Variants in AGO3 observed in about 807,000 individuals in gnomAD.
The protein encoded by AGO3 is protein argonaute-3.
In AGO3, 16 loss-of-function variants were observed where a neutral mutation model predicts 105.5. The observed-to-expected ratio is 0.15, with a 90% CI of 0.10 to 0.23. The LOEUF is 0.23. AGO3 is among the 10% of genes least tolerant of loss of function. The pLI is 1.00. For synonymous variants in AGO3, 340 were observed against 367.3 expected, an observed-to-expected ratio of 0.93 and a Z score of 0.85; for missense variants, 534 against 1,088.0, an observed-to-expected ratio of 0.49 and a Z score of 7.16.
At chr1:35,978,924 A>G (rs1647000377) in intron 5 of AGO3, among the ~76,000 whole-genome samples, 3 of 152,206 alleles carry the variant, frequency 2.0e-5, no homozygotes. Context: ...GAAATACATA[A>G]TATTATTTTC....
chr1:35,960,698 A>C (rs540701119), intron 2 of AGO3, among the ~76,000 whole-genome samples: 68 of 152,138 alleles, frequency 4.5e-4, no homozygotes, highest in African/African-American at 1.5e-3. Flanking sequence ...AGAGGTTAAA[A>C]AATAATATAA....
At chr1:35,990,358 A>T (rs904855697) in intron 5 of AGO3, among the ~76,000 whole-genome samples, 1 of 152,138 alleles carries the variant, frequency 6.6e-6, no homozygotes, top group African/African-American at 2.4e-5. Flanking sequence ...AATACAAAAA[A>T]TTAGCTGGGC....
intron 2 of AGO3, among the ~76,000 whole-genome samples, chr1:35,966,576 G>T (rs1392606936): frequency 6.6e-6 from 1 of 152,212 alleles, no homozygotes; most frequent in African/African-American, 2.4e-5. Flanking sequence ...TCCTAATAGA[G>T]ATATGTACTA....
In AGO3 at chr1:36,008,097, A is replaced by C. The variant is rs1640420637; in HGVS notation, c.794-593A>C. Among the ~76,000 whole-genome samples, 1 of 152,218 alleles carries C rather than the reference A, an allele frequency of 6.6e-6. No individual in the cohort carries two copies. The highest frequency in any genetic ancestry group is 1.5e-5 in the Non-Finnish European group (1 of 68,026). ...ACCTACTTTAGGAATTATTTTGGTT[A>C]CATTTGATTTTTAATAGTATTGGAA... is the stretch of plus-strand genomic sequence containing the variant. On this transcript the variant is annotated intron_variant, in intron 6 of 18. Coordinates refer to ENST00000373191, the MANE Select transcript of AGO3 (RefSeq NM_024852.4). This position sits in a 1 kb window ranked among gnomAD's most constrained non-coding sequence, Gnocchi z 5.1.
At chr1:35,938,134 C>T (rs1646186274) in intron 1 of AGO3, among the ~76,000 whole-genome samples, 1 of 151,904 alleles carries the variant, frequency 6.6e-6, no homozygotes, top group Non-Finnish European at 1.5e-5. Flanking sequence ...GTGCCCGCCA[C>T]CACGTCCAGC....
chr1:35,946,430 G>T (rs1382998890), intron 2 of AGO3, among the ~76,000 whole-genome samples: 2 of 152,046 alleles, frequency 1.3e-5, no homozygotes, highest in Non-Finnish European at 2.9e-5. Flanking sequence ...TGTGGTTTCG[G>T]TAATACAGGA....
chr1:36,005,664 C>T (rs1640304597), intron 6 of AGO3: 1 of 954,512 alleles, frequency 1.0e-6, no homozygotes, highest in South Asian at 4.8e-5. Flanking sequence ...CATGAAGTCA[C>T]TTACATTATT....
At chr1:35,970,818 C>T (rs978082018) in intron 3 of AGO3, among the ~76,000 whole-genome samples, 4 of 151,676 alleles carry the variant, frequency 2.6e-5, no homozygotes, top group African/African-American at 7.3e-5. Context: ...CAGCCTCAAC[C>T]TCTCAGGCTC....
At position 36,055,413 on chromosome 1, in the gene AGO3, G is replaced by A. The variant is rs116424131; in HGVS notation, c.2475-224G>A. Among the ~76,000 whole-genome samples, 2,830 of 152,266 alleles carry A rather than the reference G, an allele frequency of 0.019. 82 individuals carry two copies. Among genetic ancestry groups the A allele is most frequent in the African/African-American group, 0.065 (2,704 of 41,544 alleles). Reference sequence around the variant, plus strand: ...TTCAGACAGATAGACAAAATGATACGATATCTAGGTTTGCTTCTAATTAAT... The same window carrying A: ...TTCAGACAGATAGACAAAATGATACAATATCTAGGTTTGCTTCTAATTAAT... On this transcript the variant is annotated intron_variant, in intron 18 of 18. Transcript: ENST00000373191. This position sits in a 1 kb window ranked among gnomAD's most constrained non-coding sequence, Gnocchi z 4.4.
rs753976691 is a variant in AGO3 at position 36,068,070 on chromosome 1, C to T, written c.*12325C>T. The stretch of plus-strand genomic sequence containing the variant: ...TTGTAATACAATCAGTGTTTTATGC[C>T]ATTTGTGAATCACACAATTGTTCTT... On this transcript the variant is annotated 3_prime_UTR_variant, in exon 19 of 19. Transcript: ENST00000373191. 1 of 152,086 alleles carries T rather than the reference C, an allele frequency of 6.6e-6. No individual in the cohort carries two copies. The highest frequency in any genetic ancestry group is 2.4e-5 in the African/African-American group (1 of 41,414). The allele number at this position is 152,086 out of a possible 1,614,324, so 9.4% of individuals were successfully genotyped here. A position where few individuals can be genotyped will look rare whatever the true frequency, so the allele number is the denominator to read the frequency against.
At chr1:36,028,426 T>A (rs1641613514) in intron 12 of AGO3, among the ~76,000 whole-genome samples, 1 of 102,266 alleles carries the variant, frequency 9.8e-6, no homozygotes, top group Non-Finnish European at 1.8e-5. Flanking sequence ...CCCCAGAGTG[T>A]GATGTTCCCC....
chr1:36,041,072 CAA>C (rs35842002), intron 16 of AGO3, among the ~76,000 whole-genome samples: 8 of 33,206 alleles, frequency 2.4e-4, no homozygotes, highest in Non-Finnish European at 2.7e-4. Flanking sequence ...AACTCCATCT[CAA>C]AAAAAAAAAA....
At chr1:35,997,005 C>T (rs1639860018) in intron 5 of AGO3, among the ~76,000 whole-genome samples, 1 of 152,178 alleles carries the variant, frequency 6.6e-6, no homozygotes, top group Admixed American at 6.5e-5. Flanking sequence ...CGGCCAGACG[C>T]AGTGGCTCTC....
chr1:35,986,925 G>A (rs1647205287), intron 5 of AGO3, among the ~76,000 whole-genome samples: 2 of 151,926 alleles, frequency 1.3e-5, no homozygotes, highest in Non-Finnish European at 2.9e-5. Flanking sequence ...GAACCCAGAA[G>A]GCAGAAGTTG....
At chr1:35,960,634 C>T (rs1280184753) in intron 2 of AGO3, among the ~76,000 whole-genome samples, 2 of 151,670 alleles carry the variant, frequency 1.3e-5, no homozygotes, top group African/African-American at 4.8e-5. Context: ...ATAGTGAGAC[C>T]CCATCTCTTT....
chr1:35,940,223 C>T (rs962332362), intron 1 of AGO3, among the ~76,000 whole-genome samples: 10 of 152,062 alleles, frequency 6.6e-5, no homozygotes, highest in East Asian at 1.9e-4. Flanking sequence ...TGCGCCATGA[C>T]GCCCGGCTAA....
chr1:35,977,283 G>A (rs1417422042), intron 5 of AGO3, among the ~76,000 whole-genome samples: 1 of 147,448 alleles, frequency 6.8e-6, no homozygotes, highest in East Asian at 2.0e-4. Flanking sequence ...AGTCTGTTCA[G>A]GCTGTTTAGG....
In AGO3 at chr1:36,061,603, C is replaced by G. The variant is rs1643027883; in HGVS notation, c.*5858C>G. ...ACAAAATTAGAATCCTGTCAAATCA[C>G]CTATCCAGCCATCGGGGTCCCTTCC... On this transcript the variant is annotated 3_prime_UTR_variant, in exon 19 of 19. Transcript: ENST00000373191. 1 of 152,132 alleles carries G rather than the reference C, an allele frequency of 6.6e-6. No homozygotes were observed. Among genetic ancestry groups the G allele is most frequent in the African/African-American group, 2.4e-5 (1 of 41,428 alleles). 9.4% of individuals were successfully genotyped at this position (152,132 alleles called of 1,614,324 possible).
rs141978570 is a variant in AGO3, at chr1:35,993,738, C to CTTTTTTTTT, written c.659-10585_659-10577dup. Among the ~76,000 whole-genome samples the CTTTTTTTTT allele has an allele frequency of 5.4e-4, 49 of 90,782 alleles. 2 individuals are homozygous for CTTTTTTTTT. Among genetic ancestry groups the CTTTTTTTTT allele is most frequent in the African/African-American group, 2.4e-3 (47 of 19,852 alleles). 59.6% of individuals were successfully genotyped at this position (90,782 alleles called of 152,430 possible). ...AGGCTTCCCCAACCACCACCCCCTG[C>CTTTTTTTTT]TTTTTTTTTTTTTTTTTTTTTTTTT... On this transcript the variant is annotated intron_variant, in intron 5 of 18. Coordinates refer to ENST00000373191, the MANE Select transcript of AGO3 (RefSeq NM_024852.4).
Sources: gnomAD v4.1 joint callset for allele counts (sites outside exome capture counted in the v4.1 genomes callset) on GRCh38, gnomAD v4.1.1 for gene constraint, Gnocchi (gnomAD v3.1) non-coding constraint, MANE v1.5 for transcripts, NCBI Gene and HGNC (gene_info 2026-07-23, HGNC 2026-07-21) for gene names.